COL27A1: variants seen among roughly 807,000 people sequenced by gnomAD.
COL27A1 encodes collagen alpha-1(XXVII) chain.
A neutral mutation model predicts 251.3 loss-of-function variants in COL27A1; 106 were observed. The observed-to-expected ratio is 0.42, with a 90% CI of 0.36 to 0.50. The LOEUF (loss-of-function observed/expected upper bound fraction) is 0.50, where lower values mean the gene tolerates loss of function less well. Among genes scored for constraint, COL27A1 ranks in the 20% least tolerant of loss-of-function variants. The pLI, the probability that COL27A1 is intolerant of heterozygous loss-of-function variation, is 0.00. For synonymous variants in COL27A1, 1,000 were observed against 986.3 expected (o/e 1.01, Z -0.26); for missense variants, 2,325 against 2,522.8 (o/e 0.92, Z 1.68).
intron 13 of COL27A1, among the ~76,000 whole-genome samples, chr9:114,220,741 C>T (rs1831041402): frequency 6.6e-6 from 1 of 152,128 alleles, no homozygotes. Flanking sequence ...CGTCTGTAAT[C>T]CCAGCACTTT....
intron 49 of COL27A1, among the ~76,000 whole-genome samples, chr9:114,294,842 A>G (rs1828155765): frequency 6.6e-6 from 1 of 152,254 alleles, no homozygotes; most frequent in African/African-American, 2.4e-5. Context: ...TAGCCAGTGC[A>G]ATAAGGCAAG....
At chr9:114,198,424 C>T (rs1829312288) in intron 7 of COL27A1, among the ~76,000 whole-genome samples, 1 of 152,186 alleles carries the variant, frequency 6.6e-6, no homozygotes, top group Non-Finnish European at 1.5e-5. Context: ...CAGTGGCTCC[C>T]AGCTGGGGAG....
chr9:114,275,622 TTCTC>T (rs143442582), intron 36 of COL27A1, 35 bp from the exon 37 acceptor site: 106 of 1,387,162 alleles, frequency 7.6e-5, no homozygotes, highest in Non-Finnish European at 1.0e-4. Context: ...AACTAACTTA[TTCTC>T]TCTCTCTCTC....
intron 40 of COL27A1, among the ~76,000 whole-genome samples, chr9:114,284,155 G>C (rs752594345): frequency 2.6e-5 from 4 of 152,334 alleles, no homozygotes; most frequent in Middle Eastern, 3.4e-3. Context: ...GAGAGATATG[G>C]TGCCTACTCA....
intron 2 of COL27A1, among the ~76,000 whole-genome samples, chr9:114,163,454 A>T (rs1848630417): frequency 6.6e-6 from 1 of 150,998 alleles, no homozygotes; most frequent in South Asian, 2.1e-4. Context: ...CAAGCCTGGG[A>T]TCCCATCTTC....
In COL27A1 at chr9:114,211,028, T is replaced by C. The variant is rs2135336813; in HGVS notation, c.2367+2T>C. The C allele has an allele frequency of 6.2e-7, 1 of 1,614,178 alleles. No homozygotes were observed. ...AAGAGGGGCAAGATGGGTATGCCGG[T>C]AAAGATTTTCCGTGTCTATTACGCA... On this transcript the variant is annotated splice_donor_variant, in intron 12 of 60. Coordinates refer to ENST00000356083, the MANE Select transcript of COL27A1 (RefSeq NM_032888.4). LOFTEE classifies it high-confidence loss of function.
intron 28 of COL27A1, among the ~76,000 whole-genome samples, chr9:114,260,513 C>T (rs79699039): frequency 0.077 from 11,772 of 152,222 alleles, 690 homozygotes; most frequent in African/African-American, 0.17. Flanking sequence ...GGCCTTGTGG[C>T]GCTCTGTGCC....
chr9:114,155,367 G>C (rs1446901568), upstream of COL27A1, among the ~76,000 whole-genome samples: 1 of 152,140 alleles, frequency 6.6e-6, no homozygotes, highest in Non-Finnish European at 1.5e-5. This position sits in a 1 kb window ranked among gnomAD's most constrained non-coding sequence, Gnocchi z 5.5. Flanking sequence ...AGGAGGAGGG[G>C]GGCGGGTGTC....
chr9:114,194,468 A>C lies in COL27A1; in HGVS notation c.2070+11A>C, dbSNP rs563078295. On this transcript the variant is annotated intron_variant, in intron 6 of 60. Transcript: ENST00000356083. ...CACGATGGGGCAAAGGTAGGTTTCC[A>C]GGGACCCCAGTTCTCAGGGAAGAGG... 7 of 1,610,014 alleles carry C rather than the reference A, an allele frequency of 4.3e-6. No homozygotes were observed. The South Asian group carries it at 5.5e-5, about 13-fold the overall frequency.
At chr9:114,287,801 C>A (rs529373807) in intron 41 of COL27A1, among the ~76,000 whole-genome samples, 1 of 152,202 alleles carries the variant, frequency 6.6e-6, no homozygotes, top group Non-Finnish European at 1.5e-5. Context: ...TGGTTCCTCC[C>A]AGCAAGGATC....
chr9:114,282,249 T>C (rs1244090844), intron 37 of COL27A1, 28 bp from the exon 38 acceptor site: 3 of 1,603,180 alleles, frequency 1.9e-6, no homozygotes, highest in Non-Finnish European at 2.6e-6. Flanking sequence ...CTCATCTTTC[T>C]CTTGCTCTGT....
intron 28 of COL27A1, among the ~76,000 whole-genome samples, chr9:114,259,789 T>C (rs1329782585): frequency 6.6e-6 from 1 of 152,110 alleles, no homozygotes; most frequent in Non-Finnish European, 1.5e-5. Flanking sequence ...GAAAGTGAGA[T>C]GGTGCAGGTG....
At chr9:114,236,059 T>A (rs1300203597) in intron 17 of COL27A1, among the ~76,000 whole-genome samples, 1 of 151,928 alleles carries the variant, frequency 6.6e-6, no homozygotes, top group Admixed American at 6.6e-5. Context: ...AGCTCTGCAC[T>A]CCAGCCCCAC....
chr9:114,239,527 A>G (rs1832614987), intron 19 of COL27A1, among the ~76,000 whole-genome samples: 1 of 152,146 alleles, frequency 6.6e-6, no homozygotes, highest in Non-Finnish European at 1.5e-5. Flanking sequence ...TTGTGCAAAG[A>G]CCACTGTGGG....
chr9:114,264,528 G>C (rs541394038), intron 29 of COL27A1, 120 bp downstream of exon 29: 3 of 720,228 alleles, frequency 4.2e-6, no homozygotes, highest in Non-Finnish European at 6.4e-6. Context: ...GCCCCATGGA[G>C]GCTGCAGGGC....
In COL27A1 at chr9:114,168,518, G is replaced by A. The variant is rs770066087; in HGVS notation, c.963G>A (p.Pro321=). 5 of 1,613,666 alleles carry A rather than the reference G, an allele frequency of 3.1e-6. No individual in the cohort carries two copies. The East Asian group carries it at 6.7e-5, about 22-fold the overall frequency. ...HMAVGGPAQT[P]LLPAKLSASN... The stretch of plus-strand genomic sequence containing the variant: ...CGGTGGGAGGCCCAGCCCAAACCCC[G>A]CTGCTACCTGCCAAGCTGTCAGCCA... Residue 321 remains proline (P), a synonymous_variant, in exon 3 of 61, where the codon CCG becomes CCA. Coordinates refer to ENST00000356083, the MANE Select transcript of COL27A1 (RefSeq NM_032888.4).
chr9:114,303,868 C>A (rs1005094227), intron 56 of COL27A1, among the ~76,000 whole-genome samples: 4 of 152,204 alleles, frequency 2.6e-5, no homozygotes, highest in African/African-American at 7.2e-5. Flanking sequence ...GGACTGGGGG[C>A]ATAGAGAAAG....
At position 114,169,094 on chromosome 9, in the gene COL27A1, C is replaced by T. The variant is rs758079531; in HGVS notation, c.1539C>T (p.Gly513=). 13 of 1,613,996 alleles carry T rather than the reference C, an allele frequency of 8.1e-6. No homozygotes were observed. In the East Asian group the frequency reaches 2.7e-4, roughly 33 times the overall value. Residue 513 remains glycine (G), a synonymous_variant, in exon 3 of 61, where the codon GGC becomes GGT. Transcript: ENST00000356083. ...CCACGATGGTACCTCCAACTTCGGG[C>T]ACCAGCACTCCCAGAACAGCACCTG... is the stretch of plus-strand genomic sequence containing the variant. The part of the protein sequence containing the change: ...PPATMVPPTS[G]TSTPRTAPAV...
chr9:114,240,567 C>A, intron 21 of COL27A1, 80 bp downstream of exon 21: 1 of 1,388,822 alleles, frequency 7.2e-7, no homozygotes, highest in South Asian at 1.3e-5. Context: ...GTACTGAAGG[C>A]CTTAGCTTGG....
Sources: gnomAD v4.1 joint callset for allele counts (sites outside exome capture counted in the v4.1 genomes callset) on GRCh38, gnomAD v4.1.1 for gene constraint, Gnocchi (gnomAD v3.1) non-coding constraint, MANE v1.5 for transcripts, NCBI Gene and HGNC (gene_info 2026-07-23, HGNC 2026-07-21) for gene names.